Variants in MTAP observed in about 807,000 individuals in gnomAD.
MTAP encodes the protein S-methyl-5'-thioadenosine phosphorylase.
A neutral mutation model predicts 33.6 loss-of-function variants in MTAP; 33 were observed. That is an observed-to-expected ratio of 0.98 (90% CI 0.74 to 1.31). The LOEUF (loss-of-function observed/expected upper bound fraction) is 1.31. Among genes scored for constraint, MTAP ranks in the 40% most tolerant of loss-of-function variants. MTAP has a pLI of 0.00. For missense variants in MTAP, 367 were observed against 360.0 expected (o/e 1.02, Z -0.16); for synonymous variants, 148 against 125.7 (o/e 1.18, Z -1.19).
intron 5 of MTAP, among the ~76,000 whole-genome samples, chr9:21,839,213 A>ATATG (rs1825185007): frequency 6.9e-6 from 1 of 144,694 alleles, no homozygotes; most frequent in African/African-American, 2.7e-5. Flanking sequence ...CGAAGTTTGT[A>ATATG]TATGTATGTA....
At chr9:21,852,182 G>T (rs7026112) in intron 5 of MTAP, among the ~76,000 whole-genome samples, 35,939 of 151,804 alleles carry the variant, frequency 0.24, 5,533 homozygotes, top group African/African-American at 0.44. Flanking sequence ...TTTGTAAGTG[G>T]GAGCTAAGCT....
chr9:21,825,081 C>T (rs1824754777), intron 4 of MTAP, among the ~76,000 whole-genome samples: 1 of 152,136 alleles, frequency 6.6e-6, no homozygotes, highest in African/African-American at 2.4e-5. Context: ...TGCTTTGGCT[C>T]ACACTCGATG....
intron 1 of MTAP, among the ~76,000 whole-genome samples, chr9:21,905,136 G>A (rs1818453901): frequency 6.6e-6 from 1 of 152,164 alleles, no homozygotes; most frequent in South Asian, 2.1e-4. Flanking sequence ...TTATTGCAAG[G>A]ACAGAGGGTT....
At chr9:21,921,079 A>T (rs190374528) in intron 1 of MTAP, among the ~76,000 whole-genome samples, 2 of 152,098 alleles carry the variant, frequency 1.3e-5, no homozygotes, top group Admixed American at 1.3e-4. Context: ...TGATCTCATT[A>T]CTTGTTTGTT....
Position 21,863,580 on chromosome 9 carries a change from G to A in MTAP, c.*1566G>A. Reference sequence around the variant, plus strand: ...AGAGCTTGCAGTGAGACGAGCTTGTGCCACTGCACTCCAGCCTGGGCAACA... The same window carrying A: ...AGAGCTTGCAGTGAGACGAGCTTGTACCACTGCACTCCAGCCTGGGCAACA... On this transcript the variant is annotated 3_prime_UTR_variant, in exon 8 of 8. Transcript: ENST00000644715. 6 of 906,754 alleles carry A rather than the reference G, an allele frequency of 6.6e-6. No homozygotes were observed. The highest frequency in any genetic ancestry group is 5.3e-6 in the Non-Finnish European group (4 of 758,736). The allele number at this position is 906,754 out of a possible 1,614,324, so 56.2% of individuals were successfully genotyped here. A position where few individuals can be genotyped will look rare whatever the true frequency, so the allele number is the denominator to read the frequency against.
chr9:21,888,193 A>G (rs550612524), intron 1 of MTAP, among the ~76,000 whole-genome samples: 1 of 152,182 alleles, frequency 6.6e-6, no homozygotes, highest in South Asian at 2.1e-4. Context: ...AGTACTTGAT[A>G]TAATTTTGAT....
At chr9:21,882,029 ATAT>A (rs1818020306) in intron 1 of MTAP, among the ~76,000 whole-genome samples, 1 of 150,922 alleles carries the variant, frequency 6.6e-6, no homozygotes, top group African/African-American at 2.5e-5. Flanking sequence ...ATAAAACAAA[ATAT>A]TATTCAACCT....
In MTAP at chr9:21,887,267, C is replaced by G. The variant is rs569010856; in HGVS notation, c.147+32397C>G. Among the ~76,000 whole-genome samples the G allele has an allele frequency of 2.6e-5, 4 of 152,166 alleles. No individual in the cohort carries two copies. The East Asian group carries it at 7.7e-4, about 29-fold the overall frequency. On this transcript the variant is annotated intron_variant, in intron 1 of 1. Coordinates refer to the MTAP transcript ENST00000577563. ...CTAATGCTATCCTTCCCCTCTCCCC[C>G]CACCCCATAATAGGCCCCGATGTGT... is the stretch of plus-strand genomic sequence containing the variant.
At chr9:21,883,692 A>C (rs538067799) in intron 1 of MTAP, among the ~76,000 whole-genome samples, 3 of 151,310 alleles carry the variant, frequency 2.0e-5, no homozygotes, top group African/African-American at 7.3e-5. Flanking sequence ...AGATAGCAAA[A>C]AAAAAATCTG....
intron 4 of MTAP, among the ~76,000 whole-genome samples, chr9:21,834,894 G>C (rs1353994210): frequency 6.6e-6 from 1 of 152,196 alleles, no homozygotes; most frequent in Non-Finnish European, 1.5e-5. Context: ...AGTCTATTGG[G>C]AGGTAGCCAC....
At chr9:21,809,023 C>T (rs1323604661) in intron 1 of MTAP, 1 of 152,142 alleles carries the variant, frequency 6.6e-6, no homozygotes, top group East Asian at 1.9e-4. Flanking sequence ...GTTTCTCTTG[C>T]TTATGGGGAA....
intron 1 of MTAP, among the ~76,000 whole-genome samples, chr9:21,894,108 A>G (rs1410856609): frequency 6.6e-6 from 1 of 152,132 alleles, no homozygotes; most frequent in Non-Finnish European, 1.5e-5. Flanking sequence ...ACACAAATCA[A>G]TAAATATGAT....
At chr9:21,846,819 A>G (rs1331322976) in intron 5 of MTAP, among the ~76,000 whole-genome samples, 1 of 152,252 alleles carries the variant, frequency 6.6e-6, no homozygotes, top group Non-Finnish European at 1.5e-5. Flanking sequence ...TGTAAAAACT[A>G]TGGAACCAAC....
chr9:21,864,887 C>T lies in MTAP; in HGVS notation c.*2873C>T, dbSNP rs75664572. ...CCTCAGGGCATGGTTGTGGCCCCACCAACACCTATTTTCCAAATAATTATT... is the reference window on the plus strand; with the variant it reads ...CCTCAGGGCATGGTTGTGGCCCCACTAACACCTATTTTCCAAATAATTATT... On this transcript the variant is annotated 3_prime_UTR_variant, in exon 8 of 8. Transcript: ENST00000644715. 3.0e-3 allele frequency: 2,917 copies of T among 985,446 alleles called. 50 individuals are homozygous for T. In the African/African-American group the frequency reaches 0.044, roughly 15 times the overall value. 61.0% of individuals were successfully genotyped at this position (985,446 alleles called of 1,614,324 possible).
intron 1 of MTAP, among the ~76,000 whole-genome samples, chr9:21,875,326 T>A (rs1587268116): frequency 6.6e-6 from 1 of 152,298 alleles, no homozygotes. Flanking sequence ...GTGGTTTTGA[T>A]TAGCATTTCT....
At chr9:21,869,153 C>G (rs191185923), downstream of MTAP, among the ~76,000 whole-genome samples, 2 of 152,266 alleles carry the variant, frequency 1.3e-5, no homozygotes, top group Non-Finnish European at 2.9e-5. Flanking sequence ...ATTCTATGTG[C>G]TGGCTCATTT....
At chr9:21,916,122 G>GGAAGGAAGGAAGGAAGGAA (rs1296578788) in intron 1 of MTAP, among the ~76,000 whole-genome samples, 2,415 of 122,376 alleles carry the variant, frequency 0.02, 58 homozygotes, top group East Asian at 0.055. Flanking sequence ...GAAGGAAGGA[G>GGAAGGAAGGAAGGAAGGAA]GGAGGGAAGG....
intron 1 of MTAP, among the ~76,000 whole-genome samples, chr9:21,882,172 C>T (rs1432374642): frequency 6.6e-6 from 1 of 151,918 alleles, no homozygotes; most frequent in East Asian, 1.9e-4. Context: ...AAGTTGGACT[C>T]ATCACCATAT....
chr9:21,818,908 TCAA>T (rs1342843972), intron 4 of MTAP, among the ~76,000 whole-genome samples: 2 of 152,216 alleles, frequency 1.3e-5, no homozygotes, highest in African/African-American at 4.8e-5. Flanking sequence ...TGTGCTTTGA[TCAA>T]CGTCTCCCCA....
Sources: allele counts gnomAD v4.1 joint callset (sites outside exome capture counted in the v4.1 genomes callset), GRCh38; gene constraint gnomAD v4.1.1; transcripts MANE v1.5; gene names NCBI Gene and HGNC (gene_info 2026-07-23, HGNC 2026-07-21).